CTNNA2: variants seen among roughly 807,000 people sequenced by gnomAD.
CTNNA2 encodes catenin alpha-2.
Under a neutral mutation model 101.0 loss-of-function variants are expected in CTNNA2, and 42 were observed. The observed-to-expected ratio is 0.42, with a 90% CI of 0.32 to 0.54. The LOEUF (loss-of-function observed/expected upper bound fraction) is 0.54, where lower values mean the gene tolerates loss of function less well. Ranked by LOEUF, CTNNA2 falls within the 20% of genes least tolerant of loss-of-function variation. The pLI is 0.14. For missense variants in CTNNA2, 871 were observed against 1,223.1 expected (o/e 0.71, Z 4.29); for synonymous variants, 450 against 456.4 (o/e 0.99, Z 0.18).
intron 7 of CTNNA2, among the ~76,000 whole-genome samples, chr2:80,333,849 C>T (rs1161068085): frequency 6.6e-6 from 1 of 152,210 alleles, no homozygotes; most frequent in Non-Finnish European, 1.5e-5. Context: ...TCTCAAACTC[C>T]TGGCCTCAAG....
At chr2:79,580,842 T>C (rs1676104574) in intron 1 of CTNNA2, among the ~76,000 whole-genome samples, 1 of 152,172 alleles carries the variant, frequency 6.6e-6, no homozygotes, top group Non-Finnish European at 1.5e-5. Flanking sequence ...TGGTGACAAA[T>C]TGCTACTGGT....
At position 80,152,167 on chromosome 2, in the gene CTNNA2, T is replaced by C. The variant is rs577474811; in HGVS notation, c.1057-241044T>C. On this transcript the variant is annotated intron_variant, in intron 7 of 18. Coordinates refer to ENST00000402739, the MANE Select transcript of CTNNA2 (RefSeq NM_001282597.3). ...CTTTCTAGACTGTGGTTTCATACGATTCAGTTAAGAATACTTGATCCCAAT... is the reference window on the plus strand; with the variant it reads ...CTTTCTAGACTGTGGTTTCATACGACTCAGTTAAGAATACTTGATCCCAAT... 2.6e-5 allele frequency among the ~76,000 whole-genome samples: 4 copies of C among 152,298 alleles called. No homozygotes were observed. The East Asian group carries it at 7.7e-4, about 29-fold the overall frequency.
At chr2:79,960,352 C>A (rs1360330969) in intron 7 of CTNNA2, among the ~76,000 whole-genome samples, 1 of 152,150 alleles carries the variant, frequency 6.6e-6, no homozygotes, top group East Asian at 1.9e-4. Flanking sequence ...TTCAAGGAAA[C>A]ACAATATTGT....
At chr2:80,461,660 A>G (rs77253958) in intron 9 of CTNNA2, among the ~76,000 whole-genome samples, 4,317 of 152,178 alleles carry the variant, frequency 0.028, 197 homozygotes, top group African/African-American at 0.098. Flanking sequence ...TGGTGCTTTT[A>G]TCTTGCTAGG....
At chr2:80,359,776 G>T (rs541870643) in intron 7 of CTNNA2, among the ~76,000 whole-genome samples, 1 of 152,124 alleles carries the variant, frequency 6.6e-6, no homozygotes, top group African/African-American at 2.4e-5. Flanking sequence ...CTAATATGCT[G>T]TCTTAATTAT....
chr2:80,544,450 A>G (rs575790686), intron 9 of CTNNA2, among the ~76,000 whole-genome samples: 1 of 152,264 alleles, frequency 6.6e-6, no homozygotes, highest in African/African-American at 2.4e-5. Context: ...TTTTTGTTAC[A>G]TTGCTCATAA....
chr2:79,361,526 A>G (rs1677629029), intron 3 of CTNNA2, among the ~76,000 whole-genome samples: 3 of 152,280 alleles, frequency 2.0e-5, no homozygotes, highest in South Asian at 4.1e-4. Flanking sequence ...TACAATTAGG[A>G]GAGAAGTTAG....
In CTNNA2 at chr2:80,302,435, T is replaced by A; in HGVS notation, c.1057-90776T>A. 3 of 1,614,248 alleles carry A rather than the reference T, an allele frequency of 1.9e-6. No individual in the cohort carries two copies. The highest frequency in any genetic ancestry group is 4.5e-5 in the East Asian group (2 of 44,882). On this transcript the variant is annotated intron_variant, in intron 7 of 18. Transcript: ENST00000402739. The surrounding 1 kb of genome is among the most constrained non-coding windows in gnomAD (Gnocchi z 6.4). ...CTTCCTGCGCTGCGTGACAAAGCAC[T>A]GTCTGAGCTGCCTGAGGCTGGCTGG...
intron 4 of CTNNA2, among the ~76,000 whole-genome samples, chr2:79,862,386 G>T (rs1272346474): frequency 2.6e-5 from 4 of 152,158 alleles, no homozygotes; most frequent in Admixed American, 1.3e-4. Flanking sequence ...TGTGAGTTTT[G>T]CATCAAACAG....
chr2:80,642,172 G>GTATT (rs1232032047), intron 18 of CTNNA2, among the ~76,000 whole-genome samples: 1 of 152,034 alleles, frequency 6.6e-6, no homozygotes, highest in Non-Finnish European at 1.5e-5. Flanking sequence ...GACTAGTTAG[G>GTATT]TATTTGAGAA....
rs188387347 is a variant in CTNNA2 at position 80,626,076 on chromosome 2, A to G, written c.2574+6848A>G. On this transcript the variant is annotated intron_variant, in intron 18 of 18. Transcript: ENST00000402739. Reference sequence around the variant, plus strand: ...TCATTTGCCCCCTTATGCAAAGGTTATGACACACAAATTGTTATATAATTA... The same window carrying G: ...TCATTTGCCCCCTTATGCAAAGGTTGTGACACACAAATTGTTATATAATTA... Among the ~76,000 whole-genome samples the G allele has an allele frequency of 1.3e-3, 194 of 152,174 alleles. 1 individual carries two copies. The highest frequency in any genetic ancestry group is 4.6e-3 in the African/African-American group (190 of 41,560).
intron 15 of CTNNA2, among the ~76,000 whole-genome samples, chr2:80,593,476 C>T (rs1696687494): frequency 6.6e-6 from 1 of 152,120 alleles, no homozygotes; most frequent in East Asian, 1.9e-4. Context: ...CCATATATGA[C>T]TACTTAAATT....
chr2:80,265,253 G>A (rs919086361), intron 7 of CTNNA2, among the ~76,000 whole-genome samples: 10 of 152,150 alleles, frequency 6.6e-5, no homozygotes, highest in Admixed American at 6.5e-4. Flanking sequence ...GGAATTACAG[G>A]CGTGAGCCAC....
intron 18 of CTNNA2, among the ~76,000 whole-genome samples, chr2:80,630,593 C>A (rs180825973): frequency 6.6e-6 from 1 of 152,042 alleles, no homozygotes; most frequent in South Asian, 2.1e-4. Context: ...GCCGAGATTG[C>A]GCCGCTACAC....
At chr2:79,936,561 A>G (rs1287871260) in intron 7 of CTNNA2, among the ~76,000 whole-genome samples, 1 of 149,546 alleles carries the variant, frequency 6.7e-6, no homozygotes, top group Non-Finnish European at 1.5e-5. Context: ...TTTTTTTCCT[A>G]GCATCTTTCA....
At chr2:80,616,618 A>G (rs959230563) in intron 17 of CTNNA2, 1 of 151,706 alleles carries the variant, frequency 6.6e-6, no homozygotes, top group Non-Finnish European at 1.5e-5. Flanking sequence ...GACTACTGAA[A>G]TCTTGCAAAC....
intron 5 of CTNNA2, among the ~76,000 whole-genome samples, chr2:79,872,808 A>G (rs1682694225): frequency 6.6e-6 from 1 of 152,358 alleles, no homozygotes. Flanking sequence ...AGAGAAGCCC[A>G]GTGGTTCAAA....
At chr2:79,552,628 G>C (rs1674185252) in intron 1 of CTNNA2, among the ~76,000 whole-genome samples, 2 of 152,106 alleles carry the variant, frequency 1.3e-5, no homozygotes, top group Non-Finnish European at 2.9e-5. Context: ...TTCATCCTCT[G>C]AAATCTAGAT....
intron 7 of CTNNA2, among the ~76,000 whole-genome samples, chr2:80,155,334 C>A (rs748232708): frequency 1.3e-5 from 2 of 152,160 alleles, no homozygotes; most frequent in South Asian, 4.1e-4. Flanking sequence ...GAATGTAAGT[C>A]GCTTTTGCTT....
Sources: allele counts gnomAD v4.1 joint callset (sites outside exome capture counted in the v4.1 genomes callset), GRCh38; gene constraint gnomAD v4.1.1; non-coding constraint Gnocchi (gnomAD v3.1); transcripts MANE v1.5; gene names NCBI Gene and HGNC (gene_info 2026-07-23, HGNC 2026-07-21).